Variants in CCDC186 observed in about 807,000 individuals in gnomAD.
CCDC186 encodes the protein coiled-coil domain containing 186.
CCDC186 carries 49 observed loss-of-function variants against 113.7 expected under a neutral mutation model. That is an observed-to-expected ratio of 0.43 (90% CI 0.34 to 0.55). The LOEUF is 0.55. Among genes scored for constraint, CCDC186 ranks in the 20% least tolerant of loss-of-function variants. CCDC186 has a pLI of 0.02. For missense variants in CCDC186, 890 were observed against 1,011.1 expected (o/e 0.88, Z 1.62); for synonymous variants, 355 against 345.8 (o/e 1.03, Z -0.30).
intron 14 of CCDC186, 29 bp from the exon 15 acceptor site, chr10:114,126,134 T>C: frequency 6.3e-7 from 1 of 1,576,460 alleles, no homozygotes; most frequent in Non-Finnish European, 8.7e-7. Context: ...GTATCAGTTG[T>C]GTACTTGTAG....
chr10:114,158,339 A>G (rs2032070237), intron 2 of CCDC186, among the ~76,000 whole-genome samples: 1 of 152,206 alleles, frequency 6.6e-6, no homozygotes, highest in African/African-American at 2.4e-5. Context: ...AAACAGAAAT[A>G]AAGTCTCAAA....
rs1191409162 is a variant in CCDC186 at position 114,138,059 on chromosome 10, AAAAAAAAAAAAAAAT to A, written c.1222-784_1222-770del. ...TCTCAAAAAAAAAAAAAAAAAAAAA[AAAAAAAAAAAAAAAT>A]AAAAAAAATACACAAATTAGCCAGG... On this transcript the variant is annotated intron_variant, in intron 6 of 15. Coordinates refer to ENST00000369287, the MANE Select transcript of CCDC186 (RefSeq NM_018017.4). 9.3e-3 allele frequency among the ~76,000 whole-genome samples: 884 copies of A among 94,918 alleles called. 23 individuals are homozygous for A. The highest frequency in any genetic ancestry group is 0.015 in the African/African-American group (288 of 18,688). 62.3% of individuals were successfully genotyped at this position (94,918 alleles called of 152,430 possible).
intron 1 of CCDC186, among the ~76,000 whole-genome samples, chr10:114,164,933 C>T (rs956869269): frequency 1.3e-5 from 2 of 152,176 alleles, no homozygotes; most frequent in Non-Finnish European, 2.9e-5. Context: ...GACTTAATTA[C>T]AGTGCAGAGT....
chr10:114,136,078 T>A, intron 8 of CCDC186, 70 bp downstream of exon 8: 1 of 1,508,226 alleles, frequency 6.6e-7, no homozygotes, highest in Non-Finnish European at 9.2e-7. Flanking sequence ...TAGATAGCAA[T>A]AAGTTCTCAC....
At chr10:114,162,600 A>AG (rs1489332775) in intron 2 of CCDC186, 37 bp downstream of exon 2, 2 of 1,415,134 alleles carry the variant, frequency 1.4e-6, no homozygotes, top group Admixed American at 5.6e-5. Context: ...TGTGCCTGTG[A>AG]GGGAAAAAAA....
chr10:114,126,409 T>C (rs1338028161), intron 14 of CCDC186, among the ~76,000 whole-genome samples: 3 of 152,204 alleles, frequency 2.0e-5, no homozygotes, highest in African/African-American at 4.8e-5. Flanking sequence ...CAGGCTGGAG[T>C]GCAGTGACAC....
intron 1 of CCDC186, among the ~76,000 whole-genome samples, chr10:114,165,718 G>A (rs1265443028): frequency 6.6e-6 from 1 of 151,694 alleles, no homozygotes; most frequent in Non-Finnish European, 1.5e-5. Context: ...CATTATGGTG[G>A]GTGCCTGTAA....
chr10:114,165,141 G>A (rs1200145952), intron 1 of CCDC186, among the ~76,000 whole-genome samples: 1 of 152,190 alleles, frequency 6.6e-6, no homozygotes, highest in African/African-American at 2.4e-5. Context: ...AACTAAGACA[G>A]CCATTGGCCT....
chr10:114,141,582 G>A (rs1451526491), intron 6 of CCDC186, among the ~76,000 whole-genome samples: 3 of 152,162 alleles, frequency 2.0e-5, no homozygotes, highest in African/African-American at 4.8e-5. Flanking sequence ...GAGCTCTAGG[G>A]ATTGTTGCCC....
intron 1 of CCDC186, among the ~76,000 whole-genome samples, chr10:114,172,057 G>T (rs1218121012): frequency 6.6e-6 from 1 of 152,096 alleles, no homozygotes; most frequent in African/African-American, 2.4e-5. Context: ...TAAACTCAGT[G>T]ATATGTTTAT....
intron 1 of CCDC186, among the ~76,000 whole-genome samples, chr10:114,169,167 T>A (rs972398878): frequency 1.3e-5 from 2 of 151,846 alleles, no homozygotes; most frequent in Admixed American, 1.3e-4. Context: ...GTGTTTTAAG[T>A]ATATTAAGAG....
At chr10:114,156,973 T>C (rs1362305503) in intron 3 of CCDC186, among the ~76,000 whole-genome samples, 1 of 152,152 alleles carries the variant, frequency 6.6e-6, no homozygotes, top group Non-Finnish European at 1.5e-5. Flanking sequence ...TCAAATCGTC[T>C]TTTTGCTTAT....
chr10:114,121,436 T>C lies in CCDC186; in HGVS notation c.*3707A>G, dbSNP rs2030720207. On this transcript the variant is annotated 3_prime_UTR_variant, in exon 16 of 16. Coordinates refer to ENST00000369287, the MANE Select transcript of CCDC186 (RefSeq NM_018017.4). ...GGTTTAAATTTGCATGTAACAATTT[T>C]TAGAAAATAATATACTGCAAAAGAA... The C allele has an allele frequency of 6.6e-6, 1 of 152,204 alleles. No individual in the cohort carries two copies. The highest frequency in any genetic ancestry group is 1.5e-5 in the Non-Finnish European group (1 of 68,028). 9.4% of individuals were successfully genotyped at this position (152,204 alleles called of 1,614,324 possible).
chr10:114,163,036 T>A lies in CCDC186; in HGVS notation c.233A>T (p.Asp78Val). ...GCCTGTGTCTGTTTTGGCACAAGAA[T>A]CCTCACCTCCACCATGATCTGGAAT... Reference protein sequence around the residue: ...NYIPDHGGGEDSCAKTDTGSE... With the variant: ...NYIPDHGGGEVSCAKTDTGSE... Residue 78 changes from aspartate (D) to valine (V), a missense_variant, in exon 2 of 16, where the codon GAT becomes GTT. Transcript: ENST00000369287. 1 of 1,614,140 alleles carries A rather than the reference T, an allele frequency of 6.2e-7. No individual in the cohort carries two copies. The highest frequency in any genetic ancestry group is 8.5e-7 in the Non-Finnish European group (1 of 1,179,990).
In CCDC186 at chr10:114,163,163, T is replaced by C. The variant is rs571843230; in HGVS notation, c.106A>G (p.Ser36Gly). Residue 36 changes from serine to glycine, a missense_variant, in exon 2 of 16, where the codon AGC (serine) becomes GGC (glycine). Coordinates refer to ENST00000369287, the MANE Select transcript of CCDC186 (RefSeq NM_018017.4). ...AGTTTGGACTCATTTTCTAATTTGC[T>C]GCTTTCATTGCCAGAAAACAAGTTG... ...SCNLFSGNESSKLENESKLLS... is the reference protein window; with the variant it reads ...SCNLFSGNESGKLENESKLLS... 19 of 1,614,044 alleles carry C rather than the reference T, an allele frequency of 1.2e-5. No homozygotes were observed. The East Asian group carries it at 2.2e-4, about 19-fold the overall frequency.
intron 3 of CCDC186, among the ~76,000 whole-genome samples, chr10:114,155,281 T>C (rs2031977161): frequency 1.3e-5 from 2 of 152,216 alleles, no homozygotes; most frequent in Admixed American, 6.5e-5. Context: ...ATAGTACACA[T>C]ATACTAATTT....
At chr10:114,131,064 T>C (rs981735997) in intron 12 of CCDC186, 83 bp downstream of exon 12, 2 of 1,158,308 alleles carry the variant, frequency 1.7e-6, no homozygotes, top group Non-Finnish European at 2.3e-6. Context: ...CTTCAATCAA[T>C]GTGGCAGAAT....
At chr10:114,168,990 G>C (rs1476201094) in intron 1 of CCDC186, among the ~76,000 whole-genome samples, 4 of 148,144 alleles carry the variant, frequency 2.7e-5, no homozygotes, top group African/African-American at 9.9e-5. Flanking sequence ...ATGTATTCTA[G>C]GTGTTGGGAA....
At chr10:114,130,419 G>C (rs1042292588) in intron 12 of CCDC186, 5 of 155,090 alleles carry the variant, frequency 3.2e-5, no homozygotes, top group African/African-American at 1.2e-4. Context: ...GTGAGAAATA[G>C]TAGAGAATAG....
Sources: gnomAD v4.1 joint callset for allele counts (sites outside exome capture counted in the v4.1 genomes callset) on GRCh38, gnomAD v4.1.1 for gene constraint, MANE v1.5 for transcripts, NCBI Gene and HGNC (gene_info 2026-07-23, HGNC 2026-07-21) for gene names.